Variants in SPOCK1 observed in about 807,000 individuals in gnomAD.
SPOCK1 encodes SPARC (osteonectin), cwcv and kazal like domains proteoglycan 1, also known as testican-1.
Under a neutral mutation model 55.3 loss-of-function variants are expected in SPOCK1, and 23 were observed. The observed-to-expected ratio is 0.42, with a 90% confidence interval of 0.30 to 0.59. SPOCK1 has a LOEUF of 0.59. Among genes scored for constraint, SPOCK1 ranks in the 20% least tolerant of loss-of-function variants. SPOCK1 has a pLI of 0.22. For synonymous variants in SPOCK1, 226 were observed against 221.0 expected (o/e 1.02, Z -0.20); for missense variants, 499 against 552.5 (o/e 0.90, Z 0.97).
chr5:137,240,791 A>G (rs1756265778), intron 3 of SPOCK1, among the ~76,000 whole-genome samples: 1 of 152,256 alleles, frequency 6.6e-6, no homozygotes, highest in Non-Finnish European at 1.5e-5. Context: ...ATGAGGAAGG[A>G]CAAGCATATC....
At chr5:137,182,005 T>G (rs1754979149) in intron 3 of SPOCK1, among the ~76,000 whole-genome samples, 1 of 152,100 alleles carries the variant, frequency 6.6e-6, no homozygotes. Context: ...AATCTGCAAA[T>G]AGTTTTGCAG....
chr5:137,095,399 A>T (rs1056634122), intron 5 of SPOCK1, among the ~76,000 whole-genome samples: 10 of 152,218 alleles, frequency 6.6e-5, no homozygotes, highest in African/African-American at 2.2e-4. Context: ...AAAATGACGT[A>T]TGCCTTTATT....
chr5:137,209,078 G>A (rs768018151), intron 3 of SPOCK1, among the ~76,000 whole-genome samples: 1 of 152,120 alleles, frequency 6.6e-6, no homozygotes, highest in Non-Finnish European at 1.5e-5. Flanking sequence ...TGTTTTATAG[G>A]AGTGTTGTAA....
intron 6 of SPOCK1, among the ~76,000 whole-genome samples, chr5:137,035,952 T>C (rs1417705088): frequency 6.6e-6 from 1 of 152,140 alleles, no homozygotes; most frequent in Non-Finnish European, 1.5e-5. Flanking sequence ...GAGGCAGAGA[T>C]GGAGCTGCCC....
intron 5 of SPOCK1, among the ~76,000 whole-genome samples, chr5:137,112,039 C>A (rs183348092): frequency 6.6e-6 from 1 of 152,186 alleles, no homozygotes. Context: ...TGATGTCACA[C>A]CCCTTCCTTC....
At chr5:137,369,428 G>T (rs1751150396) in intron 2 of SPOCK1, among the ~76,000 whole-genome samples, 1 of 152,198 alleles carries the variant, frequency 6.6e-6, no homozygotes, top group African/African-American at 2.4e-5. Context: ...GGCTGTAAGA[G>T]ATCCTCCTGA....
At chr5:137,485,811 A>G (rs1282403228) in intron 2 of SPOCK1, among the ~76,000 whole-genome samples, 3 of 152,242 alleles carry the variant, frequency 2.0e-5, no homozygotes, top group African/African-American at 4.8e-5. Context: ...CATTTATACA[A>G]GTAAGAAAAT....
intron 5 of SPOCK1, among the ~76,000 whole-genome samples, chr5:137,072,264 T>G (rs569533294): frequency 6.6e-6 from 1 of 152,356 alleles, no homozygotes; most frequent in South Asian, 2.1e-4. Flanking sequence ...AATAATTAAC[T>G]CTAACTCTCT....
rs543621020 is a variant in SPOCK1 at position 137,137,848 on chromosome 5, G to A, written c.347+2732C>T. On this transcript the variant is annotated intron_variant, in intron 4 of 10. Transcript: ENST00000394945. Reference sequence around the variant, plus strand: ...TTTGGAGATTTCTGGCTGACCTTCCGAAATGAAGTAGATAATAATAACTAT... The same window carrying A: ...TTTGGAGATTTCTGGCTGACCTTCCAAAATGAAGTAGATAATAATAACTAT... Among the ~76,000 whole-genome samples, 14 of 152,274 alleles carry A rather than the reference G, an allele frequency of 9.2e-5. No individual in the cohort carries two copies. In the South Asian group the frequency reaches 2.1e-3, roughly 23 times the overall value.
At chr5:137,396,232 G>A (rs995459842) in intron 2 of SPOCK1, among the ~76,000 whole-genome samples, 3 of 152,160 alleles carry the variant, frequency 2.0e-5, no homozygotes, top group Non-Finnish European at 2.9e-5. Context: ...AATTCCTTGA[G>A]TATTTCTTAA....
At chr5:137,014,454 T>A (rs187457663) in intron 6 of SPOCK1, among the ~76,000 whole-genome samples, 12 of 152,316 alleles carry the variant, frequency 7.9e-5, no homozygotes, top group African/African-American at 1.9e-4. Context: ...TCTAAAGACA[T>A]TCAGGTTCAC....
At chr5:137,179,015 G>A (rs1023246729) in intron 3 of SPOCK1, among the ~76,000 whole-genome samples, 6 of 152,188 alleles carry the variant, frequency 3.9e-5, no homozygotes, top group African/African-American at 1.2e-4. Context: ...GACTTCCTCC[G>A]TTTCCAACCT....
intron 6 of SPOCK1, among the ~76,000 whole-genome samples, chr5:137,020,171 T>A (rs910486503): frequency 6.6e-6 from 1 of 151,590 alleles, no homozygotes; most frequent in African/African-American, 2.4e-5. Context: ...CATAACTCTA[T>A]GTAGGTTAAA....
chr5:137,304,215 A>G (rs1002613844), intron 2 of SPOCK1, among the ~76,000 whole-genome samples: 2 of 151,948 alleles, frequency 1.3e-5, no homozygotes, highest in African/African-American at 2.4e-5. Flanking sequence ...ATCCATAAGA[A>G]ACGAGGTTTT....
At chr5:136,997,048 A>G (rs1485706512) in intron 6 of SPOCK1, among the ~76,000 whole-genome samples, 1 of 152,196 alleles carries the variant, frequency 6.6e-6, no homozygotes, top group East Asian at 1.9e-4. Flanking sequence ...GGAAAGAACC[A>G]ACTCCAGACA....
intron 3 of SPOCK1, among the ~76,000 whole-genome samples, chr5:137,161,016 ATATAT>A (rs1754544060): frequency 6.8e-6 from 1 of 146,238 alleles, no homozygotes; most frequent in Non-Finnish European, 1.5e-5. Flanking sequence ...AGATATATAT[ATATAT>A]ATATATATTA....
chr5:137,134,298 C>T (rs1334896996), intron 4 of SPOCK1, among the ~76,000 whole-genome samples: 1 of 152,190 alleles, frequency 6.6e-6, no homozygotes, highest in Non-Finnish European at 1.5e-5. Context: ...CAGCCACTTT[C>T]CTTCTCATCT....
chr5:137,073,808 G>A (rs1752666574), intron 5 of SPOCK1, among the ~76,000 whole-genome samples: 1 of 151,908 alleles, frequency 6.6e-6, no homozygotes, highest in African/African-American at 2.4e-5. Flanking sequence ...AAAAATTTTG[G>A]GTGAAAGTTA....
chr5:137,195,641 G>C (rs1016306307), intron 3 of SPOCK1, among the ~76,000 whole-genome samples: 1 of 152,232 alleles, frequency 6.6e-6, no homozygotes, highest in African/African-American at 2.4e-5. Flanking sequence ...AATGTGCATG[G>C]CATGATGTGA....
Sources: allele counts gnomAD v4.1 joint callset (sites outside exome capture counted in the v4.1 genomes callset), GRCh38; gene constraint gnomAD v4.1.1; transcripts MANE v1.5; gene names NCBI Gene and HGNC (gene_info 2026-07-23, HGNC 2026-07-21).